Variants in EOGT observed in about 807,000 individuals in gnomAD.
The protein encoded by EOGT is EGF domain specific O-linked N-acetylglucosamine transferase.
A neutral mutation model predicts 70.5 loss-of-function variants in EOGT; 55 were observed. The ratio of observed to expected loss-of-function variants is 0.78; its 90% CI spans 0.63 to 0.98. EOGT has a LOEUF of 0.98. Among genes scored for constraint, EOGT ranks in the 50% least tolerant of loss-of-function variants. The probability of loss-of-function intolerance (pLI) is 0.00; values close to 1 mark genes in which losing one functional copy is unlikely to be tolerated. For synonymous variants in EOGT, 246 were observed against 217.1 expected, an observed-to-expected ratio of 1.13 and a Z score of -1.17; for missense variants, 703 against 641.9, an observed-to-expected ratio of 1.10 and a Z score of -1.03.
intron 14 of EOGT, among the ~76,000 whole-genome samples, chr3:68,985,698 A>G (rs903596733): frequency 1.3e-5 from 2 of 152,222 alleles, no homozygotes; most frequent in East Asian, 1.9e-4. Flanking sequence ...CTGGGCCACA[A>G]TAACAACTTC....
chr3:68,990,604 A>G (rs2090966435), intron 10 of EOGT, among the ~76,000 whole-genome samples: 1 of 151,990 alleles, frequency 6.6e-6, no homozygotes, highest in African/African-American at 2.4e-5. Context: ...TCCGCCTACC[A>G]CGGCCTCCTA....
intron 6 of EOGT, among the ~76,000 whole-genome samples, chr3:69,007,015 C>T (rs528265459): frequency 6.6e-6 from 1 of 152,226 alleles, no homozygotes; most frequent in African/African-American, 2.4e-5. Context: ...AAGCTCTGGG[C>T]AAATATAGAG....
chr3:69,001,793 T>C, intron 8 of EOGT, 79 bp from the exon 9 acceptor site: 1 of 963,540 alleles, frequency 1.0e-6, no homozygotes, highest in Non-Finnish European at 1.6e-6. Context: ...TAGGATCTGT[T>C]CATTAGGCAG....
chr3:68,988,959 T>C lies in EOGT; in HGVS notation c.890A>G (p.Asp297Gly). 6.5e-7 allele frequency: 1 copy of C among 1,531,746 alleles called. No individual in the cohort carries two copies. Among genetic ancestry groups the C allele is most frequent in the Non-Finnish European group, 8.7e-7 (1 of 1,144,566 alleles). The allele number at this position is 1,531,746 out of a possible 1,614,324, so 94.9% of individuals were successfully genotyped here. A position where few individuals can be genotyped will look rare whatever the true frequency, so the allele number is the denominator to read the frequency against. ...ATCATAAGTTTTCAAATGTATAACG[T>C]CATAATCAGTAAATGCATTCCATGT... ...SDTWNAFTDY[D>G]VIHLKTYDSK... The change falls in exon 11 of 18, where the codon GAC (aspartate) becomes GGC (glycine). Residue 297 changes from aspartate (D) to glycine (G), a missense_variant. Asp to Gly is a moderately conservative substitution (Grantham distance 94). Coordinates refer to ENST00000383701, the MANE Select transcript of EOGT (RefSeq NM_001278689.2).
chr3:69,008,494 T>A lies in EOGT; in HGVS notation c.245A>T (p.Tyr82Phe), dbSNP rs976534982. The A allele has an allele frequency of 4.3e-6, 7 of 1,614,026 alleles. No homozygotes were observed. The highest frequency in any genetic ancestry group is 5.1e-6 in the Non-Finnish European group (6 of 1,179,998). ...HLEKLKYCWG[Y>F]EKSCKPEFRF... ...GAACTCTGGTTTGCAGGATTTCTCA[T>A]AACCCCAGCAGTACTTTAGCTTCTC... Residue 82 changes from tyrosine to phenylalanine, a missense_variant, in exon 5 of 18, where the codon TAT becomes TTT. Coordinates refer to ENST00000383701, the MANE Select transcript of EOGT (RefSeq NM_001278689.2).
intron 10 of EOGT, among the ~76,000 whole-genome samples, chr3:68,991,498 T>C (rs2090992888): frequency 2.0e-5 from 3 of 152,154 alleles, no homozygotes. Flanking sequence ...AATGAATACA[T>C]GCACTGATGC....
intron 6 of EOGT, among the ~76,000 whole-genome samples, chr3:69,007,090 T>C: frequency 6.6e-6 from 1 of 152,252 alleles, no homozygotes; most frequent in East Asian, 1.9e-4. Flanking sequence ...AGACGCAGTT[T>C]ATCAATTTCT....
chr3:68,999,292 G>C (rs1225618299), intron 9 of EOGT, among the ~76,000 whole-genome samples: 1 of 152,136 alleles, frequency 6.6e-6, no homozygotes, highest in Non-Finnish European at 1.5e-5. Context: ...GAGTGGAGAG[G>C]GTTGTGGGAA....
chr3:69,010,992 G>A (rs1242867755), intron 3 of EOGT, among the ~76,000 whole-genome samples: 13 of 152,194 alleles, frequency 8.5e-5, no homozygotes, highest in African/African-American at 3.1e-4. Context: ...AGAAACTCCA[G>A]GACACTAAGC....
intron 14 of EOGT, 78 bp downstream of exon 14, chr3:68,987,367 T>A: frequency 2.9e-6 from 3 of 1,043,696 alleles, no homozygotes; most frequent in Admixed American, 2.3e-5. Context: ...GCTTTTAACG[T>A]AATGTGAAAA....
chr3:68,996,612 C>T (rs2091155347), intron 10 of EOGT, among the ~76,000 whole-genome samples: 1 of 152,192 alleles, frequency 6.6e-6, no homozygotes, highest in Non-Finnish European at 1.5e-5. Context: ...ATATGAGGCT[C>T]CTAAGCCAAG....
chr3:68,977,655 G>A lies in EOGT; in HGVS notation c.1547C>T (p.Pro516Leu). The change falls in exon 18 of 18, where the codon CCA becomes CTA. Residue 516 changes from proline (P) to leucine (L), a missense_variant. Physicochemically the swap from Pro to Leu is moderately conservative, Grantham distance 98. Transcript: ENST00000383701. ...ATGTTTCTTCTTAAATGGCCACTTT[G>A]GGTGTTGCAATACGTGGTCTGCAGC... is the stretch of plus-strand genomic sequence containing the variant. ...LQAADHVLQH[P>L]KWPFKKKHDE... 1 of 1,613,742 alleles carries A rather than the reference G, an allele frequency of 6.2e-7. No homozygotes were observed. The highest frequency in any genetic ancestry group is 8.5e-7 in the Non-Finnish European group (1 of 1,179,880).
chr3:68,999,047 G>C (rs763744079), intron 9 of EOGT, among the ~76,000 whole-genome samples: 12 of 152,118 alleles, frequency 7.9e-5, no homozygotes, highest in Non-Finnish European at 1.8e-4. Context: ...TGAAAGAGAA[G>C]CAATTCTGGA....
chr3:69,004,547 GTA>G, intron 7 of EOGT, 65 bp from the exon 8 acceptor site: 3 of 1,032,116 alleles, frequency 2.9e-6, no homozygotes, highest in Non-Finnish European at 4.5e-6. Flanking sequence ...CACGTGGGTT[GTA>G]ACTAAAGTGG....
intron 13 of EOGT, 187 bp from the exon 14 acceptor site, chr3:68,987,700 G>A (rs1029720801): frequency 4.5e-5 from 27 of 594,496 alleles, no homozygotes; most frequent in African/African-American, 3.2e-4. Context: ...TTCAACCACC[G>A]AAGGCAAAAA....
chr3:68,984,816 G>T (rs1002171606), intron 14 of EOGT, among the ~76,000 whole-genome samples: 6 of 152,200 alleles, frequency 3.9e-5, no homozygotes, highest in Non-Finnish European at 7.3e-5. Flanking sequence ...GCAGTGGCCT[G>T]ATGTTGTTCC....
intron 13 of EOGT, chr3:68,987,732 T>G (rs998739425): frequency 7.1e-6 from 4 of 564,216 alleles, no homozygotes; most frequent in Non-Finnish European, 9.4e-6. Flanking sequence ...CATTGTCTGT[T>G]TGGTTGGGTG....
intron 10 of EOGT, among the ~76,000 whole-genome samples, chr3:68,997,578 A>G (rs2091185648): frequency 6.6e-6 from 1 of 152,208 alleles, no homozygotes; most frequent in South Asian, 2.1e-4. Flanking sequence ...CATGTTGGCC[A>G]GGCTAGTCTC....
chr3:68,988,809 G>A, intron 11 of EOGT, 116 bp downstream of exon 11: 1 of 663,310 alleles, frequency 1.5e-6, no homozygotes, highest in Non-Finnish European at 2.4e-6. Flanking sequence ...AAGAAATTCA[G>A]AAATTCAGAA....
Sources: allele counts gnomAD v4.1 joint callset (sites outside exome capture counted in the v4.1 genomes callset), GRCh38; gene constraint gnomAD v4.1.1; transcripts MANE v1.5; gene names NCBI Gene and HGNC (gene_info 2026-07-23, HGNC 2026-07-21).